Variants in SORL1 observed in about 807,000 individuals in gnomAD.
SORL1 encodes sortilin related receptor 1, also known as sortilin-related receptor.
Under a neutral mutation model 273.7 loss-of-function variants are expected in SORL1, and 127 were observed. That is an observed-to-expected ratio of 0.46 (90% CI 0.40 to 0.54). SORL1 has a LOEUF of 0.54. Among genes scored for constraint, SORL1 ranks in the 20% least tolerant of loss-of-function variants. The pLI is 0.00. For missense variants in SORL1, 2,494 were observed against 2,846.1 expected (o/e 0.88, Z 2.81); for synonymous variants, 1,031 against 1,067.4 (o/e 0.97, Z 0.66).
intron 14 of SORL1, among the ~76,000 whole-genome samples, chr11:121,548,593 G>GTC (rs1862466282): frequency 6.6e-6 from 1 of 152,168 alleles, no homozygotes; most frequent in South Asian, 2.1e-4. Context: ...CTGAGACAGA[G>GTC]TCTCACTCTG....
intron 23 of SORL1, among the ~76,000 whole-genome samples, chr11:121,571,402 CT>C (rs1263237150): frequency 6.6e-6 from 1 of 152,210 alleles, no homozygotes; most frequent in African/African-American, 2.4e-5. Context: ...GCTTTGTGGA[CT>C]TTATCGGAGA....
chr11:121,508,362 T>C (rs1477293773), intron 6 of SORL1, among the ~76,000 whole-genome samples: 2 of 152,224 alleles, frequency 1.3e-5, no homozygotes, highest in African/African-American at 4.8e-5. Context: ...TTCTTCCCCA[T>C]TTTTTCCTTT....
At position 121,618,760 on chromosome 11, in the gene SORL1, T is replaced by G. The variant is rs201470861; in HGVS notation, c.5605-14T>G. ...CATGAGCTGATGTCCTCTTCCATTC[T>G]CTGCTTTTACCAGGTTTATGGTATT... On this transcript the variant is annotated splice_polypyrimidine_tract_variant and intron_variant, in intron 41 of 47. Coordinates refer to ENST00000260197, the MANE Select transcript of SORL1 (RefSeq NM_003105.6). 1 of 1,614,094 alleles carries G rather than the reference T, an allele frequency of 6.2e-7. No individual in the cohort carries two copies. The highest frequency in any genetic ancestry group is 2.2e-5 in the East Asian group (1 of 44,888).
In SORL1 at chr11:121,614,919, A is replaced by G. The variant is rs1159834407; in HGVS notation, c.5468A>G (p.Lys1823Arg). ...TCCTATGAGATTTCTGCCTGGGCCA[A>G]GACTGACTTGGGGGATAGCCCTCTG... ...HTSYEISAWA[K>R]TDLGDSPLAF... is the part of the protein sequence containing the mutation. Residue 1823 changes from lysine (K) to arginine (R), a missense_variant, in exon 41 of 48, where the codon AAG becomes AGG. By Grantham distance (26) the Lys-to-Arg change is conservative (BLOSUM62 2). Around this residue, in one of 3 missense-constraint regions of SORL1, gnomAD observed 1,609 missense variants for 1,816.4 expected, o/e 0.89. Transcript: ENST00000260197. 6.2e-7 allele frequency: 1 copy of G among 1,613,478 alleles called. No homozygotes were observed. Among genetic ancestry groups the G allele is most frequent in the African/African-American group, 1.3e-5 (1 of 75,040 alleles).
In SORL1 at chr11:121,470,098, C is replaced by T. The variant is rs1187323114; in HGVS notation, c.377C>T (p.Ala126Val). The change falls in exon 2 of 48, where the codon GCA becomes GTA. Residue 126 changes from alanine to valine, a missense_variant. Around this residue, in one of 3 missense-constraint regions of SORL1, gnomAD observed 710 missense variants for 882.5 expected, o/e 0.80. Coordinates refer to ENST00000260197, the MANE Select transcript of SORL1 (RefSeq NM_003105.6). ...GTGGCCTTGGCCCGAGATAGCCTGGCATTGGCGAGGCCCAAGAGCAGTGAT... is the reference window on the plus strand; with the variant it reads ...GTGGCCTTGGCCCGAGATAGCCTGGTATTGGCGAGGCCCAAGAGCAGTGAT... ...VIVALARDSL[A>V]LARPKSSDVY... 2 of 1,613,708 alleles carry T rather than the reference C, an allele frequency of 1.2e-6. No individual in the cohort carries two copies.
chr11:121,576,986 T>C (rs777535262), intron 24 of SORL1: 27 of 1,479,702 alleles, frequency 1.8e-5, no homozygotes, highest in Non-Finnish European at 2.4e-5. Context: ...GCATAGAAAA[T>C]AATATATGTG....
At chr11:121,579,307 G>A (rs1009650955) in intron 25 of SORL1, among the ~76,000 whole-genome samples, 2 of 152,224 alleles carry the variant, frequency 1.3e-5, no homozygotes, top group African/African-American at 2.4e-5. Context: ...GAGGTCAGAT[G>A]TGAGCTCATG....
rs1861527373 is a variant in SORL1, at chr11:121,489,928, C to A, written c.691-115C>A. The A allele has an allele frequency of 1.8e-5, 14 of 768,576 alleles. No homozygotes were observed. In the South Asian group the frequency reaches 2.0e-4, roughly 11 times the overall value. The allele number at this position is 768,576 out of a possible 1,614,324, so 47.6% of individuals were successfully genotyped here. A position where few individuals can be genotyped will look rare whatever the true frequency, so the allele number is the denominator to read the frequency against. On this transcript the variant is annotated intron_variant, in intron 4 of 47. Coordinates refer to ENST00000260197, the MANE Select transcript of SORL1 (RefSeq NM_003105.6). ...TGAGCTGGCTTTGGCAGTCTCAGTG[C>A]CTGCCTTCACAGACAGCGTGTCATG...
intron 40 of SORL1, among the ~76,000 whole-genome samples, chr11:121,613,877 A>C (rs1259214011): frequency 6.6e-6 from 1 of 152,244 alleles, no homozygotes; most frequent in Non-Finnish European, 1.5e-5. Context: ...GAAATCTATT[A>C]GGGCTAGTGC....
intron 27 of SORL1, among the ~76,000 whole-genome samples, chr11:121,587,753 G>A (rs1863139233): frequency 6.6e-6 from 1 of 152,140 alleles, no homozygotes; most frequent in African/African-American, 2.4e-5. Context: ...TGTACTCTTG[G>A]CAAAATACTT....
At chr11:121,466,572 G>A (rs982774398) in intron 1 of SORL1, among the ~76,000 whole-genome samples, 8 of 152,158 alleles carry the variant, frequency 5.3e-5, no homozygotes, top group Admixed American at 1.3e-4. Context: ...GAGGATGGGG[G>A]CAAGGTGGAG....
At chr11:121,584,880 C>T (rs1250610204) in intron 26 of SORL1, among the ~76,000 whole-genome samples, 1 of 152,204 alleles carries the variant, frequency 6.6e-6, no homozygotes, top group African/African-American at 2.4e-5. Context: ...AGGCACGAGC[C>T]ACTGCGCCTG....
chr11:121,606,756 C>A, intron 35 of SORL1, 89 bp from the exon 36 acceptor site: 1 of 829,068 alleles, frequency 1.2e-6, no homozygotes, highest in Non-Finnish European at 2.1e-6. Flanking sequence ...GCTGTGGAGT[C>A]GTTCTTGTCC....
In SORL1 at chr11:121,596,265, A is replaced by G. The variant is rs572360209; in HGVS notation, c.4519+493A>G. On this transcript the variant is annotated intron_variant, in intron 32 of 47. Coordinates refer to ENST00000260197, the MANE Select transcript of SORL1 (RefSeq NM_003105.6). The surrounding 1 kb of genome is among the most constrained non-coding windows in gnomAD (Gnocchi z 4.3). ...AGATAGTGTGCCGAGCCACATGGGG[A>G]ATAATCACAGGGCCATCTGAGCCCA... Among the ~76,000 whole-genome samples the G allele has an allele frequency of 2.6e-5, 4 of 152,258 alleles. No individual in the cohort carries two copies. Among genetic ancestry groups the G allele is most frequent in the African/African-American group, 9.6e-5 (4 of 41,550 alleles).
chr11:121,625,912 C>G (rs890017882), intron 46 of SORL1, among the ~76,000 whole-genome samples: 1 of 152,134 alleles, frequency 6.6e-6, no homozygotes, highest in East Asian at 1.9e-4. Context: ...TACTCTCAGC[C>G]AAGAACTAAC....
In SORL1 at chr11:121,514,085, T is replaced by C. The variant is rs1306009795; in HGVS notation, c.1042-67T>C. 5 of 1,506,072 alleles carry C rather than the reference T, an allele frequency of 3.3e-6. No homozygotes were observed. In the African/African-American group the frequency reaches 5.5e-5, roughly 17 times the overall value. The allele number at this position is 1,506,072 out of a possible 1,614,324, so 93.3% of individuals were successfully genotyped here. A position where few individuals can be genotyped will look rare whatever the true frequency, so the allele number is the denominator to read the frequency against. On this transcript the variant is annotated intron_variant, in intron 7 of 47. Coordinates refer to ENST00000260197, the MANE Select transcript of SORL1 (RefSeq NM_003105.6). ...ACATTTGAAAGTCATTGCTTCCGTG[T>C]GTATAGTAAAAGCCCACAGGGCACA...
intron 31 of SORL1, among the ~76,000 whole-genome samples, chr11:121,591,945 C>T (rs1863222269): frequency 1.3e-5 from 2 of 152,120 alleles, no homozygotes; most frequent in African/African-American, 2.4e-5. Flanking sequence ...TTTTATAAAA[C>T]ATTATAAAAA....
intron 6 of SORL1, among the ~76,000 whole-genome samples, chr11:121,502,935 T>C (rs564997807): frequency 1.3e-5 from 2 of 152,292 alleles, no homozygotes; most frequent in South Asian, 2.1e-4. Context: ...AGCGGAGCGA[T>C]TGTGGCTCAC....
At chr11:121,584,228 G>T (rs1429328840) in intron 26 of SORL1, among the ~76,000 whole-genome samples, 1 of 152,140 alleles carries the variant, frequency 6.6e-6, no homozygotes, top group Non-Finnish European at 1.5e-5. Flanking sequence ...TACCAAATTG[G>T]GTTTCCAAGG....
Sources: allele counts gnomAD v4.1 joint callset (sites outside exome capture counted in the v4.1 genomes callset), GRCh38; gene constraint gnomAD v4.1.1; regional missense constraint gnomAD v4.1.1; non-coding constraint Gnocchi (gnomAD v3.1); transcripts MANE v1.5; gene names NCBI Gene and HGNC (gene_info 2026-07-23, HGNC 2026-07-21).